SNTG1: variants seen among roughly 807,000 people sequenced by gnomAD.
SNTG1 encodes gamma-1-syntrophin.
A neutral mutation model predicts 74.7 loss-of-function variants in SNTG1; 39 were observed. The observed-to-expected ratio is 0.52, with a 90% CI of 0.40 to 0.68. SNTG1 has a LOEUF of 0.68. Among genes scored for constraint, SNTG1 ranks in the 30% least tolerant of loss-of-function variants. The pLI is 0.00. For missense variants in SNTG1, 685 were observed against 609.5 expected, an observed-to-expected ratio of 1.12 and a Z score of -1.30; for synonymous variants, 254 against 217.1, an observed-to-expected ratio of 1.17 and a Z score of -1.49.
chr8:50,778,191 G>C (rs891515398), intron 18 of SNTG1, among the ~76,000 whole-genome samples: 4 of 152,198 alleles, frequency 2.6e-5, no homozygotes, highest in Non-Finnish European at 5.9e-5. Flanking sequence ...ATAGCAGCAT[G>C]ATTTATAGTC....
chr8:50,755,891 CTG>C (rs2095579176), intron 18 of SNTG1, among the ~76,000 whole-genome samples: 1 of 151,540 alleles, frequency 6.6e-6, no homozygotes, highest in African/African-American at 2.4e-5. Context: ...TAATTTTCAT[CTG>C]TATATATTCT....
chr8:49,959,433 G>A (rs1156352945), intron 1 of SNTG1, among the ~76,000 whole-genome samples: 8 of 152,286 alleles, frequency 5.3e-5, no homozygotes, highest in East Asian at 1.9e-4. Flanking sequence ...TTGTTAGCAC[G>A]CTAGCAGTCA....
intron 17 of SNTG1, among the ~76,000 whole-genome samples, chr8:50,748,353 G>A (rs1483675956): frequency 1.3e-5 from 2 of 151,968 alleles, no homozygotes; most frequent in Non-Finnish European, 2.9e-5. Context: ...CATTTTGCTA[G>A]GTGAAGGGGT....
At chr8:50,467,947 C>G (rs1460611545) in intron 8 of SNTG1, among the ~76,000 whole-genome samples, 1 of 151,666 alleles carries the variant, frequency 6.6e-6, no homozygotes, top group Non-Finnish European at 1.5e-5. Flanking sequence ...TTTTTGAGGT[C>G]TCTTTATTTT....
At chr8:50,288,772 T>A (rs2088926220) in intron 2 of SNTG1, among the ~76,000 whole-genome samples, 1 of 152,192 alleles carries the variant, frequency 6.6e-6, no homozygotes, top group Admixed American at 6.5e-5. Context: ...AGGCTATTTT[T>A]GTCATTTCAG....
intron 2 of SNTG1, among the ~76,000 whole-genome samples, chr8:50,297,339 C>A (rs752445367): frequency 6.6e-6 from 1 of 152,130 alleles, no homozygotes; most frequent in African/African-American, 2.4e-5. Context: ...TAAAGTAGGA[C>A]AATTATAACA....
intron 1 of SNTG1, among the ~76,000 whole-genome samples, chr8:49,921,997 G>A (rs1233626723): frequency 6.6e-6 from 1 of 151,970 alleles, no homozygotes; most frequent in Non-Finnish European, 1.5e-5. Context: ...TCTCTTCTAC[G>A]TGATTTGCCT....
At chr8:50,607,201 G>A (rs1375758033) in intron 13 of SNTG1, among the ~76,000 whole-genome samples, 1 of 151,730 alleles carries the variant, frequency 6.6e-6, no homozygotes, top group African/African-American at 2.4e-5. Context: ...TATATGATCT[G>A]GTATCAGAGT....
chr8:50,298,463 C>T (rs192980029), intron 2 of SNTG1, among the ~76,000 whole-genome samples: 208 of 152,212 alleles, frequency 1.4e-3, no homozygotes, highest in Middle Eastern at 3.4e-3. Flanking sequence ...TTTCTTCACC[C>T]CCTGCCCATG....
At chr8:50,564,468 A>G (rs1015467198) in intron 12 of SNTG1, among the ~76,000 whole-genome samples, 5 of 152,112 alleles carry the variant, frequency 3.3e-5, no homozygotes, top group African/African-American at 1.2e-4. Flanking sequence ...AAGTTTGAAT[A>G]GTTATTTTGC....
intron 2 of SNTG1, among the ~76,000 whole-genome samples, chr8:50,172,944 T>C (rs1248929504): frequency 6.6e-6 from 1 of 152,184 alleles, no homozygotes; most frequent in Non-Finnish European, 1.5e-5. Flanking sequence ...TTTATAGGAA[T>C]GAGAAAAATC....
intron 2 of SNTG1, among the ~76,000 whole-genome samples, chr8:50,299,792 G>C (rs2089562543): frequency 6.6e-6 from 1 of 152,070 alleles, no homozygotes; most frequent in African/African-American, 2.4e-5. Context: ...GTAGATACGT[G>C]TCACTAGGAG....
intron 8 of SNTG1, among the ~76,000 whole-genome samples, chr8:50,472,972 C>T (rs1202436780): frequency 1.3e-5 from 2 of 152,106 alleles, no homozygotes; most frequent in East Asian, 3.9e-4. Context: ...ATCAAAACCA[C>T]AAAGTGATAT....
chr8:50,528,405 T>A (rs1166323611), intron 9 of SNTG1, among the ~76,000 whole-genome samples: 1 of 151,994 alleles, frequency 6.6e-6, no homozygotes, highest in African/African-American at 2.4e-5. Context: ...TACATCAAAA[T>A]ATTACATATA....
chr8:50,342,349 A>T (rs961948467), intron 2 of SNTG1, among the ~76,000 whole-genome samples: 1 of 152,160 alleles, frequency 6.6e-6, no homozygotes, highest in African/African-American at 2.4e-5. Context: ...AATTCACCTG[A>T]CATCATCATT....
chr8:50,287,640 C>T (rs1051208579), intron 2 of SNTG1, among the ~76,000 whole-genome samples: 2 of 152,130 alleles, frequency 1.3e-5, no homozygotes, highest in Non-Finnish European at 2.9e-5. Flanking sequence ...AGCTCTTCCT[C>T]TTATACCCAA....
chr8:50,555,680 A>G (rs1162328937), intron 12 of SNTG1, among the ~76,000 whole-genome samples: 2 of 152,178 alleles, frequency 1.3e-5, no homozygotes, highest in Non-Finnish European at 2.9e-5. Context: ...ATAGGTGCAG[A>G]AATAAAAACA....
At chr8:49,932,724 G>A (rs1001314621) in intron 1 of SNTG1, among the ~76,000 whole-genome samples, 6 of 152,092 alleles carry the variant, frequency 3.9e-5, no homozygotes, top group Non-Finnish European at 8.8e-5. Flanking sequence ...ATTTCAGAAT[G>A]TTTCCATCAT....
chr8:50,032,897 A>G (rs1314025877), intron 1 of SNTG1, among the ~76,000 whole-genome samples: 2 of 152,120 alleles, frequency 1.3e-5, no homozygotes, highest in African/African-American at 2.4e-5. Context: ...TAAACTCACA[A>G]TAATCTGGTC....
Sources: gnomAD v4.1 joint callset for allele counts (sites outside exome capture counted in the v4.1 genomes callset) on GRCh38, gnomAD v4.1.1 for gene constraint, MANE v1.5 for transcripts, NCBI Gene and HGNC (gene_info 2026-07-23, HGNC 2026-07-21) for gene names.